The following SRPK2 variants were observed in gnomAD, a reference collection of about 807,000 sequenced individuals.
The protein encoded by SRPK2 is SRSF protein kinase 2.
In SRPK2, 21 loss-of-function variants were observed where a neutral mutation model predicts 90.8. That is an observed-to-expected ratio of 0.23 (90% CI 0.16 to 0.33). The LOEUF (loss-of-function observed/expected upper bound fraction) is 0.33, where lower values mean the gene tolerates loss of function less well. Ranked by LOEUF, SRPK2 falls within the 10% of genes least tolerant of loss-of-function variation. The pLI is 1.00. For synonymous variants in SRPK2, 288 were observed against 311.1 expected (o/e 0.93, Z 0.78); for missense variants, 620 against 869.0 (o/e 0.71, Z 3.60).
chr7:105,157,320 A>G (rs1806650775), intron 7 of SRPK2, among the ~76,000 whole-genome samples: 1 of 152,184 alleles, frequency 6.6e-6, no homozygotes, highest in Non-Finnish European at 1.5e-5. Context: ...TCTACAGTGA[A>G]AGGATACTAA....
At chr7:105,327,292 C>A (rs1427791951) in intron 2 of SRPK2, among the ~76,000 whole-genome samples, 1 of 152,100 alleles carries the variant, frequency 6.6e-6, no homozygotes, top group Non-Finnish European at 1.5e-5. Flanking sequence ...GTTCTGTGTC[C>A]ATAAACGAAG....
At chr7:105,212,546 C>G (rs1796984773) in intron 2 of SRPK2, among the ~76,000 whole-genome samples, 1 of 152,116 alleles carries the variant, frequency 6.6e-6, no homozygotes, top group Non-Finnish European at 1.5e-5. Context: ...AGAGGTTAGG[C>G]ATAGGAATAA....
intron 2 of SRPK2, among the ~76,000 whole-genome samples, chr7:105,374,691 C>T (rs1026139496): frequency 1.3e-5 from 2 of 152,120 alleles, no homozygotes; most frequent in African/African-American, 4.8e-5. Context: ...ATACAACCTC[C>T]ACCTCCCGGG....
intron 2 of SRPK2, among the ~76,000 whole-genome samples, chr7:105,217,481 T>C (rs1276465616): frequency 1.3e-5 from 2 of 152,194 alleles, no homozygotes; most frequent in Non-Finnish European, 2.9e-5. Context: ...AGCACAACTG[T>C]ATCTGACAAA....
At chr7:105,143,919 A>G (rs1411828026) in intron 9 of SRPK2, 1 of 152,524 alleles carries the variant, frequency 6.6e-6, no homozygotes, top group Non-Finnish European at 1.5e-5. Flanking sequence ...CAACCTTTCA[A>G]TCAATCAGTA....
intron 3 of SRPK2, among the ~76,000 whole-genome samples, chr7:105,186,633 T>C (rs1793615496): frequency 6.6e-6 from 1 of 152,204 alleles, no homozygotes; most frequent in Non-Finnish European, 1.5e-5. Context: ...TCTTCTACTA[T>C]CCCTTCTACT....
rs117989740 is a variant in SRPK2, at chr7:105,168,304, C to A, written c.339-209G>T. Among the ~76,000 whole-genome samples, 470 of 152,240 alleles carry A rather than the reference C, an allele frequency of 3.1e-3. 14 individuals are homozygous for A. In the East Asian group the frequency reaches 0.062, roughly 20 times the overall value. On this transcript the variant is annotated intron_variant, in intron 4 of 15. Transcript: ENST00000393651. Reference sequence around the variant, plus strand: ...CTCAGTAAAAGATTTGCATGTTGCACAAGATTATTTAAAATATCGTATAAA... The same window carrying A: ...CTCAGTAAAAGATTTGCATGTTGCAAAAGATTATTTAAAATATCGTATAAA...
At chr7:105,243,092 C>G (rs528046386) in intron 2 of SRPK2, among the ~76,000 whole-genome samples, 23 of 152,252 alleles carry the variant, frequency 1.5e-4, no homozygotes, top group Admixed American at 4.6e-4. Context: ...GACTCCAACT[C>G]CTGGCCTCAA....
chr7:105,265,455 C>T (rs1804927041), intron 2 of SRPK2, among the ~76,000 whole-genome samples: 1 of 152,018 alleles, frequency 6.6e-6, no homozygotes, highest in East Asian at 1.9e-4. Context: ...TATGGGGGGT[C>T]ATGGAACCAA....
chr7:105,285,956 A>G (rs542672894), intron 2 of SRPK2, among the ~76,000 whole-genome samples: 41 of 152,362 alleles, frequency 2.7e-4, no homozygotes, highest in African/African-American at 9.9e-4. Flanking sequence ...ACCAGTTACA[A>G]TGTATCAGAC....
At chr7:105,148,332 C>T (rs1804973873) in intron 7 of SRPK2, among the ~76,000 whole-genome samples, 1 of 152,154 alleles carries the variant, frequency 6.6e-6, no homozygotes, top group Admixed American at 6.5e-5. Context: ...AACCCTACAG[C>T]ATTATACTAA....
intron 2 of SRPK2, among the ~76,000 whole-genome samples, chr7:105,300,894 C>T (rs903052091): frequency 1.3e-5 from 2 of 152,114 alleles, no homozygotes; most frequent in East Asian, 3.9e-4. Flanking sequence ...GTGGAGAAAA[C>T]AGGAACACTT....
At chr7:105,122,283 A>G (rs1800498015) in intron 15 of SRPK2, among the ~76,000 whole-genome samples, 1 of 152,250 alleles carries the variant, frequency 6.6e-6, no homozygotes, top group Non-Finnish European at 1.5e-5. Flanking sequence ...TAAAATGTAT[A>G]TAAATTGGAC....
At chr7:105,209,039 G>A (rs1039592653) in intron 2 of SRPK2, among the ~76,000 whole-genome samples, 3 of 152,110 alleles carry the variant, frequency 2.0e-5, no homozygotes, top group African/African-American at 4.8e-5. Flanking sequence ...ACACTACACC[G>A]TTATAAAATG....
intron 2 of SRPK2, among the ~76,000 whole-genome samples, chr7:105,326,143 ATCAACTCTACAT>A (rs1813561678): frequency 6.6e-6 from 1 of 152,184 alleles, no homozygotes; most frequent in Non-Finnish European, 1.5e-5. Flanking sequence ...ATTAAATCCA[ATCAACTCTACAT>A]TCAAAATAAG....
intron 2 of SRPK2, among the ~76,000 whole-genome samples, chr7:105,213,613 C>T (rs1211716020): frequency 6.6e-6 from 1 of 152,094 alleles, no homozygotes; most frequent in Non-Finnish European, 1.5e-5. Flanking sequence ...AGAGCACATA[C>T]ATATACAAAA....
chr7:105,280,790 AC>A (rs1340336814), intron 2 of SRPK2, among the ~76,000 whole-genome samples: 1 of 150,896 alleles, frequency 6.6e-6, no homozygotes, highest in Non-Finnish European at 1.5e-5. Context: ...TACTAAAAAT[AC>A]AAAAAATTAG....
intron 2 of SRPK2, among the ~76,000 whole-genome samples, chr7:105,270,751 C>T (rs1049198976): frequency 6.6e-6 from 1 of 152,104 alleles, no homozygotes; most frequent in Non-Finnish European, 1.5e-5. Context: ...GGAGAAATTA[C>T]TTAAACTCTC....
chr7:105,273,975 T>C (rs1422884388), intron 2 of SRPK2, among the ~76,000 whole-genome samples: 2 of 152,170 alleles, frequency 1.3e-5, no homozygotes, highest in East Asian at 1.9e-4. Context: ...ACCACATGAA[T>C]TTATAAAGGG....
Sources: gnomAD v4.1 joint callset for allele counts (sites outside exome capture counted in the v4.1 genomes callset) on GRCh38, gnomAD v4.1.1 for gene constraint, MANE v1.5 for transcripts, NCBI Gene and HGNC (gene_info 2026-07-23, HGNC 2026-07-21) for gene names.